The following KIAA1549 variants were observed in gnomAD, a reference collection of about 807,000 sequenced individuals.
The protein encoded by KIAA1549 is KIAA1549, also known as UPF0606 protein KIAA1549.
KIAA1549 carries 70 observed loss-of-function variants against 156.4 expected under a neutral mutation model. The ratio of observed to expected loss-of-function variants is 0.45; its 90% CI spans 0.37 to 0.55. The LOEUF is 0.55. Among genes scored for constraint, KIAA1549 ranks in the 20% least tolerant of loss-of-function variants. KIAA1549 has a pLI of 0.00. For missense variants in KIAA1549, 2,428 were observed against 2,540.9 expected (o/e 0.96, Z 0.96); for synonymous variants, 1,103 against 1,066.4 (o/e 1.03, Z -0.67).
At position 138,947,106 on chromosome 7, in the gene KIAA1549, C is replaced by T. The variant is rs554960414; in HGVS notation, c.188-27668G>A. On this transcript the variant is annotated intron_variant, in intron 1 of 19. Transcript: ENST00000422774. ...AATCTAGCTCCCTTCCATTTTAAGT[C>T]CATTAGTATAGAACCACTGTTCATC... Among the ~76,000 whole-genome samples, 12 of 152,276 alleles carry T rather than the reference C, an allele frequency of 7.9e-5. No individual in the cohort carries two copies. In the East Asian group the frequency reaches 2.3e-3, roughly 29 times the overall value.
At chr7:138,871,075 C>A (rs1040861358) in intron 13 of KIAA1549, 82 bp downstream of exon 13, 16 of 1,370,288 alleles carry the variant, frequency 1.2e-5, no homozygotes, top group South Asian at 8.8e-5. Context: ...CCTTGGCCCC[C>A]CCAAGTGCTG....
At position 138,916,859 on chromosome 7, in the gene KIAA1549, G is replaced by C; in HGVS notation, c.2767C>G (p.Pro923Ala). The change falls in exon 2 of 20, where the codon CCC becomes GCC. Residue 923 changes from proline to alanine, a missense_variant. Around this residue, in one of 5 missense-constraint regions of KIAA1549, gnomAD observed 762 missense variants for 901.6 expected, o/e 0.85. Coordinates refer to ENST00000422774, the MANE Select transcript of KIAA1549 (RefSeq NM_001164665.2). ...GCTTCGAGAGTGAAGGCAGTCACGG[G>C]ACGCAGGGATGGCAGGGGAGGAGCA... is the stretch of plus-strand genomic sequence containing the variant. ...SAAPPLPSLR[P>A]VTAFTLEATV... The C allele has an allele frequency of 6.2e-7, 1 of 1,613,992 alleles. No individual in the cohort carries two copies. The highest frequency in any genetic ancestry group is 8.5e-7 in the Non-Finnish European group (1 of 1,179,902).
intron 10 of KIAA1549, among the ~76,000 whole-genome samples, chr7:138,888,158 G>A (rs562063369): frequency 3.3e-5 from 5 of 152,352 alleles, no homozygotes; most frequent in African/African-American, 1.2e-4. Context: ...CCTCAGGAAT[G>A]AAAGCCTGGC....
At chr7:138,896,926 C>T (rs982104937) in intron 9 of KIAA1549, among the ~76,000 whole-genome samples, 1 of 151,988 alleles carries the variant, frequency 6.6e-6, no homozygotes, top group African/African-American at 2.4e-5. Context: ...CTAGGAAAAC[C>T]CTGATGAGGC....
intron 1 of KIAA1549, among the ~76,000 whole-genome samples, chr7:138,978,408 T>C (rs564247807): frequency 5.9e-5 from 9 of 152,324 alleles, no homozygotes; most frequent in African/African-American, 1.7e-4. Flanking sequence ...TTAAGAGCAA[T>C]GCATTCAAAA....
chr7:138,979,868 G>A (rs772801218), intron 1 of KIAA1549, among the ~76,000 whole-genome samples: 6 of 152,310 alleles, frequency 3.9e-5, no homozygotes, highest in Non-Finnish European at 7.4e-5. Context: ...GGGGTGGGAG[G>A]CAGGGAAAGT....
At chr7:138,980,411 T>A (rs2130586272) in intron 1 of KIAA1549, among the ~76,000 whole-genome samples, 1 of 152,362 alleles carries the variant, frequency 6.6e-6, no homozygotes, top group South Asian at 2.1e-4. Context: ...CTAAATTGCA[T>A]CTGTTATAAA....
intron 12 of KIAA1549, among the ~76,000 whole-genome samples, chr7:138,872,935 C>T (rs143528808): frequency 5.3e-5 from 8 of 152,230 alleles, no homozygotes; most frequent in Non-Finnish European, 1.2e-4. Context: ...TCAACTGATG[C>T]CCTTCTTCTA....
intron 17 of KIAA1549, among the ~76,000 whole-genome samples, chr7:138,850,984 A>G (rs756359868): frequency 1.2e-4 from 19 of 152,216 alleles, no homozygotes; most frequent in Non-Finnish European, 2.6e-4. Context: ...GCTGTATTTT[A>G]CAGTTGAGTC....
chr7:138,978,205 C>T (rs763606532), intron 1 of KIAA1549, among the ~76,000 whole-genome samples: 3 of 151,720 alleles, frequency 2.0e-5, no homozygotes, highest in Non-Finnish European at 2.9e-5. Context: ...AACAAAAAAA[C>T]GATAAAATTA....
chr7:138,961,858 AAAAG>A, intron 1 of KIAA1549, among the ~76,000 whole-genome samples: 1 of 151,904 alleles, frequency 6.6e-6, no homozygotes, highest in East Asian at 1.9e-4. Context: ...AAAAAAAAAA[AAAAG>A]AAAGAAAAGG....
chr7:138,981,066 G>A lies in KIAA1549; in HGVS notation c.187+17C>T. ...GCGGGGTCGCGGCCGCGTTCCGAGG[G>A]TCTCGGCGGAGCTTACCTGGGGCGC... On this transcript the variant is annotated intron_variant, in intron 1 of 19. Coordinates refer to ENST00000422774, the MANE Select transcript of KIAA1549 (RefSeq NM_001164665.2). The surrounding 1 kb of genome is among the most constrained non-coding windows in gnomAD (Gnocchi z 4.5). 6 of 1,224,772 alleles carry A rather than the reference G, an allele frequency of 4.9e-6. No homozygotes were observed. The highest frequency in any genetic ancestry group is 6.1e-6 in the Non-Finnish European group (6 of 982,556). 75.9% of individuals were successfully genotyped at this position (1,224,772 alleles called of 1,614,324 possible).
chr7:138,969,227 T>C (rs1014511712), intron 1 of KIAA1549, among the ~76,000 whole-genome samples: 3 of 152,218 alleles, frequency 2.0e-5, no homozygotes, highest in South Asian at 2.1e-4. Flanking sequence ...GTGCAACTGA[T>C]AGTCTGAACT....
Position 138,916,937 on chromosome 7 carries a change from C to T in KIAA1549, c.2689G>A (p.Asp897Asn), listed in dbSNP as rs141705276. ...GCGGCGTCACCCATCAGGGTGGAGT[C>T]GAGGGGACCACCAGTGGCAGCACCG... The part of the protein sequence containing the change: ...STGAATGGPL[D>N]STLMGDAASQ... Residue 897 changes from aspartate to asparagine, a missense_variant, in exon 2 of 20, where the codon GAC becomes AAC. This residue lies in a region of KIAA1549 where 762 missense variants were observed against 901.6 expected (regional missense o/e 0.85). Coordinates refer to ENST00000422774, the MANE Select transcript of KIAA1549 (RefSeq NM_001164665.2). The T allele has an allele frequency of 2.6e-4, 420 of 1,609,418 alleles. 1 individual carries two copies. The African/African-American group carries it at 4.2e-3, about 16-fold the overall frequency.
At chr7:138,968,304 G>A (rs746771291) in intron 1 of KIAA1549, among the ~76,000 whole-genome samples, 9 of 152,032 alleles carry the variant, frequency 5.9e-5, no homozygotes, top group Non-Finnish European at 1.2e-4. Context: ...ATCTACCTAT[G>A]TAACAAACCT....
At chr7:138,955,293 A>G (rs754045936) in intron 1 of KIAA1549, among the ~76,000 whole-genome samples, 2 of 152,250 alleles carry the variant, frequency 1.3e-5, no homozygotes, top group African/African-American at 2.4e-5. Flanking sequence ...ACACAATGGA[A>G]TATCACTCAG....
intron 17 of KIAA1549, among the ~76,000 whole-genome samples, chr7:138,851,399 A>G (rs1236218002): frequency 6.6e-6 from 1 of 152,164 alleles, no homozygotes. Context: ...GCACTTTTAC[A>G]TCTTCCTGGA....
At chr7:138,894,282 T>A (rs1318844423) in intron 10 of KIAA1549, 60 bp downstream of exon 10, 1 of 1,541,194 alleles carries the variant, frequency 6.5e-7, no homozygotes, top group Non-Finnish European at 8.9e-7. Flanking sequence ...CCCAAACTCA[T>A]CCTATCCCTG....
intron 6 of KIAA1549, among the ~76,000 whole-genome samples, chr7:138,905,570 A>G (rs1811982771): frequency 6.6e-6 from 1 of 152,260 alleles, no homozygotes; most frequent in African/African-American, 2.4e-5. Flanking sequence ...TTCATATAGA[A>G]TAACTTCTGT....
Sources: allele counts gnomAD v4.1 joint callset (sites outside exome capture counted in the v4.1 genomes callset), GRCh38; gene constraint gnomAD v4.1.1; regional missense constraint gnomAD v4.1.1; non-coding constraint Gnocchi (gnomAD v3.1); transcripts MANE v1.5; gene names NCBI Gene and HGNC (gene_info 2026-07-23, HGNC 2026-07-21).